RAB11FIP4: variants seen among roughly 807,000 people sequenced by gnomAD.
The protein encoded by RAB11FIP4 is RAB11 family interacting protein 4, also known as rab11 family-interacting protein 4.
Under a neutral mutation model 74.3 loss-of-function variants are expected in RAB11FIP4, and 23 were observed. The observed-to-expected ratio is 0.31, with a 90% confidence interval of 0.22 to 0.44. The LOEUF (loss-of-function observed/expected upper bound fraction) is 0.44, where lower values mean the gene tolerates loss of function less well. RAB11FIP4 is among the 20% of genes least tolerant of loss of function. The pLI is 1.00. For synonymous variants in RAB11FIP4, 360 were observed against 359.9 expected (o/e 1.00, Z 0.00); for missense variants, 630 against 863.9 (o/e 0.73, Z 3.39).
At chr17:31,477,144 T>C (rs552015782) in intron 3 of RAB11FIP4, among the ~76,000 whole-genome samples, 2 of 152,200 alleles carry the variant, frequency 1.3e-5, no homozygotes, top group Admixed American at 6.5e-5. Context: ...TAGGAGACAA[T>C]TGCGGGGGAC....
intron 3 of RAB11FIP4, among the ~76,000 whole-genome samples, chr17:31,447,096 AAC>A (rs1567659025): frequency 1.3e-5 from 2 of 152,178 alleles, no homozygotes; most frequent in East Asian, 3.9e-4. Context: ...CATCCTGGCT[AAC>A]ACGGTGAAAC....
intron 3 of RAB11FIP4, among the ~76,000 whole-genome samples, chr17:31,509,676 C>T (rs767487989): frequency 1.1e-4 from 16 of 152,158 alleles, no homozygotes; most frequent in Non-Finnish European, 2.2e-4. Context: ...CTGATCAGAG[C>T]GGGAAGCTCT....
intron 3 of RAB11FIP4, among the ~76,000 whole-genome samples, chr17:31,511,287 C>T (rs1242952948): frequency 6.6e-6 from 1 of 152,164 alleles, no homozygotes; most frequent in East Asian, 1.9e-4. Context: ...CCGTGTGTTC[C>T]GCGCCCTCAT....
At chr17:31,419,553 CT>C (rs559266824) in intron 1 of RAB11FIP4, among the ~76,000 whole-genome samples, 4,784 of 138,174 alleles carry the variant, frequency 0.035, 107 homozygotes, top group African/African-American at 0.077. Flanking sequence ...TTTCTTTTTT[CT>C]TTTTTTTTTT....
chr17:31,538,025 G>C lies in RAB11FIP4; in HGVS notation c.*6293G>C, dbSNP rs528603321. 1 of 152,368 alleles carries C rather than the reference G, an allele frequency of 6.6e-6. No homozygotes were observed. The highest frequency in any genetic ancestry group is 2.4e-5 in the African/African-American group (1 of 41,454). The allele number at this position is 152,368 out of a possible 1,614,324, so 9.4% of individuals were successfully genotyped here. A position where few individuals can be genotyped will look rare whatever the true frequency, so the allele number is the denominator to read the frequency against. On this transcript the variant is annotated 3_prime_UTR_variant, in exon 15 of 15. Coordinates refer to ENST00000621161, the MANE Select transcript of RAB11FIP4 (RefSeq NM_032932.6). ...TGGAAACAGGCTTAGCTTTAGTGCT[G>C]GGGTGGGACCTGCCCTGTGGGCCCC...
chr17:31,459,152 G>A (rs1474771142), intron 3 of RAB11FIP4, among the ~76,000 whole-genome samples: 1 of 151,930 alleles, frequency 6.6e-6, no homozygotes, highest in African/African-American at 2.4e-5. Context: ...TACACCCCCT[G>A]CCCCGTGTCA....
At chr17:31,527,257 A>G (rs1402138564) in intron 10 of RAB11FIP4, 2 of 152,312 alleles carry the variant, frequency 1.3e-5, no homozygotes, top group South Asian at 2.1e-4. Flanking sequence ...TGAAGGATGC[A>G]TACAAGAAGA....
intron 3 of RAB11FIP4, among the ~76,000 whole-genome samples, chr17:31,473,990 G>T (rs890434481): frequency 2.6e-5 from 4 of 152,170 alleles, no homozygotes; most frequent in Admixed American, 2.6e-4. Context: ...TGGTCCAGGT[G>T]GGGACACAAT....
At chr17:31,528,571 G>T in intron 12 of RAB11FIP4, 28 bp downstream of exon 12, 1 of 1,613,470 alleles carries the variant, frequency 6.2e-7, no homozygotes, top group East Asian at 2.2e-5. Flanking sequence ...AGGCACCAGG[G>T]CTCCTTCCAG....
intron 3 of RAB11FIP4, among the ~76,000 whole-genome samples, chr17:31,453,062 G>A (rs971918730): frequency 6.6e-6 from 1 of 152,118 alleles, no homozygotes; most frequent in African/African-American, 2.4e-5. Context: ...ATTTAAACTT[G>A]GGGAGAGGCT....
intron 1 of RAB11FIP4, among the ~76,000 whole-genome samples, chr17:31,400,397 G>T (rs550603166): frequency 3.4e-4 from 52 of 152,362 alleles, no homozygotes; most frequent in Middle Eastern, 3.4e-3. Flanking sequence ...GAAGACAAGG[G>T]TGGGGCCAGT....
chr17:31,523,322 C>G (rs1287767806), intron 7 of RAB11FIP4, 190 bp from the exon 8 acceptor site: 1 of 635,332 alleles, frequency 1.6e-6, no homozygotes, highest in African/African-American at 1.8e-5. Flanking sequence ...TCTGTACAGC[C>G]CATTTGCCAT....
At chr17:31,400,107 C>A (rs1231592550) in intron 1 of RAB11FIP4, among the ~76,000 whole-genome samples, 1 of 152,020 alleles carries the variant, frequency 6.6e-6, no homozygotes, top group Non-Finnish European at 1.5e-5. Flanking sequence ...CCAACCCTGC[C>A]CTGGGCACTG....
In RAB11FIP4 at chr17:31,535,877, G is replaced by A. The variant is rs1008049932; in HGVS notation, c.*4145G>A. The A allele has an allele frequency of 6.6e-6, 1 of 152,260 alleles. No homozygotes were observed. Among genetic ancestry groups the A allele is most frequent in the Non-Finnish European group, 1.5e-5 (1 of 68,066 alleles). The allele number at this position is 152,260 out of a possible 1,614,324, so 9.4% of individuals were successfully genotyped here. A position where few individuals can be genotyped will look rare whatever the true frequency, so the allele number is the denominator to read the frequency against. On this transcript the variant is annotated 3_prime_UTR_variant, in exon 15 of 15. Transcript: ENST00000621161. ...AGCTGCCACCTATTTGCATAGCTGA[G>A]CAGGAGGACATACTGTCTTTGTGGG...
At chr17:31,520,753 G>T (rs1002093872) in intron 4 of RAB11FIP4, among the ~76,000 whole-genome samples, 3 of 152,258 alleles carry the variant, frequency 2.0e-5, no homozygotes, top group Admixed American at 6.5e-5. Context: ...TGATCCGCCC[G>T]CCTCGGCCTC....
chr17:31,415,450 C>T (rs1186252848), intron 1 of RAB11FIP4, among the ~76,000 whole-genome samples: 6 of 152,180 alleles, frequency 3.9e-5, no homozygotes, highest in Non-Finnish European at 5.9e-5. Context: ...TTACTTGTTC[C>T]GTGGTGAAGC....
At chr17:31,450,321 TTTATTATTA>T (rs67188813) in intron 3 of RAB11FIP4, among the ~76,000 whole-genome samples, 13,920 of 137,728 alleles carry the variant, frequency 0.1, 1,003 homozygotes, top group East Asian at 0.29. Context: ...CGCCACCGGC[TTTATTATTA>T]TTATTATTAT....
intron 3 of RAB11FIP4, among the ~76,000 whole-genome samples, chr17:31,493,396 C>T (rs1390642823): frequency 2.0e-5 from 3 of 151,838 alleles, no homozygotes; most frequent in African/African-American, 7.3e-5. Context: ...TGTGGTCACC[C>T]CCCACCCCCC....
rs1156580586 is a variant in RAB11FIP4, at chr17:31,512,176, T to A, written c.337-5475T>A. Among the ~76,000 whole-genome samples the A allele has an allele frequency of 6.6e-6, 1 of 152,168 alleles. No homozygotes were observed. The highest frequency in any genetic ancestry group is 2.4e-5 in the African/African-American group (1 of 41,436). On this transcript the variant is annotated intron_variant, in intron 3 of 14. Transcript: ENST00000621161. The surrounding 1 kb of genome is among the most constrained non-coding windows in gnomAD (Gnocchi z 4.1). ...GGGGACCCATGGCTGTAGGAATAGC[T>A]CACCCTCTGTTGCCTGTAGCCCCTC...
Sources: gnomAD v4.1 joint callset for allele counts (sites outside exome capture counted in the v4.1 genomes callset) on GRCh38, gnomAD v4.1.1 for gene constraint, Gnocchi (gnomAD v3.1) non-coding constraint, MANE v1.5 for transcripts, NCBI Gene and HGNC (gene_info 2026-07-23, HGNC 2026-07-21) for gene names.